SPAST: variants seen among roughly 807,000 people sequenced by gnomAD.
The protein encoded by SPAST is spastin.
A neutral mutation model predicts 76.6 loss-of-function variants in SPAST; 30 were observed. The observed-to-expected ratio is 0.39, with a 90% CI of 0.29 to 0.53. The LOEUF (loss-of-function observed/expected upper bound fraction) is 0.53, where lower values mean the gene tolerates loss of function less well. Ranked by LOEUF, SPAST falls within the 20% of genes least tolerant of loss-of-function variation. SPAST has a pLI of 0.68. For missense variants in SPAST, 717 were observed against 770.5 expected, an observed-to-expected ratio of 0.93 and a Z score of 0.82; for synonymous variants, 305 against 281.0, an observed-to-expected ratio of 1.09 and a Z score of -0.86.
Position 32,063,770 on chromosome 2 carries a change from C to T in SPAST, c.-62C>T. On this transcript the variant is annotated 5_prime_UTR_variant, in exon 1 of 17. Transcript: ENST00000315285. ...CCGCCGTAGCAGTGGCTGCCGCCGT[C>T]GCTTGGTTCCCGTCGGTCTGCGGGA... 1.3e-6 allele frequency: 2 copies of T among 1,530,508 alleles called. No individual in the cohort carries two copies. Among genetic ancestry groups the T allele is most frequent in the Middle Eastern group, 2.3e-4 (1 of 4,354 alleles). The allele number at this position is 1,530,508 out of a possible 1,614,324, so 94.8% of individuals were successfully genotyped here.
chr2:32,074,202 A>G (rs1022303307), intron 1 of SPAST, among the ~76,000 whole-genome samples: 2 of 152,220 alleles, frequency 1.3e-5, no homozygotes, highest in East Asian at 1.9e-4. Flanking sequence ...AATAAATATC[A>G]TAAAACCTAT....
intron 7 of SPAST, among the ~76,000 whole-genome samples, chr2:32,121,903 C>G (rs1007638653): frequency 3.3e-5 from 5 of 152,144 alleles, no homozygotes; most frequent in Non-Finnish European, 4.4e-5. Flanking sequence ...GTCAAGTTTT[C>G]TTTTGTTTAC....
At chr2:32,105,151 C>A (rs1017839717) in intron 4 of SPAST, among the ~76,000 whole-genome samples, 1 of 152,122 alleles carries the variant, frequency 6.6e-6, no homozygotes, top group Non-Finnish European at 1.5e-5. Flanking sequence ...CTGTTCGTTT[C>A]CTTTTACTCT....
chr2:32,137,399 C>T (rs181709902), intron 12 of SPAST, among the ~76,000 whole-genome samples: 9 of 152,210 alleles, frequency 5.9e-5, no homozygotes, highest in East Asian at 3.9e-4. Flanking sequence ...GGTTTAGTTA[C>T]GGTTTTAGGC....
In SPAST at chr2:32,154,603, T is replaced by TA; in HGVS notation, c.*108dup. On this transcript the variant is annotated 3_prime_UTR_variant, in exon 17 of 17. Coordinates refer to ENST00000315285, the MANE Select transcript of SPAST (RefSeq NM_014946.4). The stretch of plus-strand genomic sequence containing the variant: ...AACAGCCTAAGTTTACAGGACTTTT[T>TA]AGAGTCTTACATATTTGTGCACCAA... 1 of 1,143,392 alleles carries TA rather than the reference T, an allele frequency of 8.7e-7. No individual in the cohort carries two copies. The highest frequency in any genetic ancestry group is 1.3e-5 in the South Asian group (1 of 78,310). The allele number at this position is 1,143,392 out of a possible 1,614,324, so 70.8% of individuals were successfully genotyped here.
At chr2:32,083,776 ATTTT>A (rs1178658126) in intron 1 of SPAST, among the ~76,000 whole-genome samples, 1 of 46,072 alleles carries the variant, frequency 2.2e-5, no homozygotes, top group Non-Finnish European at 3.7e-5. Flanking sequence ...ATATATATAT[ATTTT>A]TTTTTTTTTT....
intron 4 of SPAST, among the ~76,000 whole-genome samples, chr2:32,112,097 C>G (rs7581032): frequency 0.41 from 60,400 of 149,058 alleles, 12,565 homozygotes; most frequent in East Asian, 0.64. Context: ...GGATTACAGG[C>G]ACACACCACC....
In SPAST at chr2:32,116,152, T is replaced by C. The variant is rs953284942; in HGVS notation, c.1038T>C (p.Gly346=). ...GTAVKFDDIA[G]QDLAKQALQE... ...CTGTTAAATTTGATGATATAGCTGG[T>C]CAAGACTTGGCAAAACAAGCATTGC... The change falls in exon 7 of 17, where the codon GGT becomes GGC. Residue 346 remains glycine, a synonymous_variant. Transcript: ENST00000315285. 4 of 1,613,626 alleles carry C rather than the reference T, an allele frequency of 2.5e-6. No homozygotes were observed. The Admixed American group carries it at 5.0e-5, about 20-fold the overall frequency.
At chr2:32,072,802 G>A (rs1676804956) in intron 1 of SPAST, among the ~76,000 whole-genome samples, 1 of 152,160 alleles carries the variant, frequency 6.6e-6, no homozygotes, top group Non-Finnish European at 1.5e-5. Flanking sequence ...TTACACTGCT[G>A]AAAACCTATA....
At position 32,089,218 on chromosome 2, in the gene SPAST, T is replaced by TTTTTTTTTTTTTTTTTTTTTTTC. The variant is rs375850129; in HGVS notation, c.503-304_503-303insTTTTTTTTTTTTTTTTTTTTTTC. Among the ~76,000 whole-genome samples the TTTTTTTTTTTTTTTTTTTTTTTC allele has an allele frequency of 1.2e-4, 16 of 129,998 alleles. 1 individual carries two copies. In the South Asian group the frequency reaches 3.5e-3, roughly 29 times the overall value. 85.3% of individuals were successfully genotyped at this position (129,998 alleles called of 152,430 possible). A position where few individuals can be genotyped will look rare whatever the true frequency, so the allele number is the denominator to read the frequency against. On this transcript the variant is annotated intron_variant, in intron 2 of 16. Transcript: ENST00000315285. ...CGGCTAATTTTTTTTTTTTTTTTTT[T>TTTTTTTTTTTTTTTTTTTTTTTC]AAGTAGAGACCAGATCTCTTTATGT...
intron 1 of SPAST, among the ~76,000 whole-genome samples, chr2:32,081,532 C>T (rs956411764): frequency 6.6e-6 from 1 of 151,916 alleles, no homozygotes; most frequent in African/African-American, 2.4e-5. Context: ...TTATTTTCTC[C>T]ACCACTTTCA....
At chr2:32,072,942 A>G (rs1676811178) in intron 1 of SPAST, among the ~76,000 whole-genome samples, 1 of 152,230 alleles carries the variant, frequency 6.6e-6, no homozygotes. Flanking sequence ...ATACTTTTCC[A>G]AAAGATAACA....
intron 7 of SPAST, chr2:32,126,513 C>T (rs1196834689): frequency 1.0e-5 from 1 of 98,352 alleles, no homozygotes; most frequent in Non-Finnish European, 1.8e-5. Context: ...CAGGGTCTCA[C>T]TTTGTCAGCC....
intron 3 of SPAST, among the ~76,000 whole-genome samples, chr2:32,097,100 C>A (rs958001792): frequency 3.3e-5 from 5 of 152,098 alleles, no homozygotes; most frequent in Non-Finnish European, 7.4e-5. Flanking sequence ...TTTATGTATT[C>A]ATTGACTTGC....
intron 1 of SPAST, among the ~76,000 whole-genome samples, chr2:32,070,985 GTACTTTT>G (rs1484244982): frequency 1.3e-5 from 2 of 152,310 alleles, no homozygotes; most frequent in South Asian, 4.1e-4. Flanking sequence ...TCAAAATATT[GTACTTTT>G]TACTTTATAC....
intron 3 of SPAST, among the ~76,000 whole-genome samples, chr2:32,092,826 G>T (rs1677774856): frequency 6.6e-6 from 1 of 152,016 alleles, no homozygotes; most frequent in Admixed American, 6.6e-5. Flanking sequence ...TGGTAACATG[G>T]TGAAACCTAA....
chr2:32,138,356 T>C (rs556596728), intron 12 of SPAST, among the ~76,000 whole-genome samples: 1 of 152,318 alleles, frequency 6.6e-6, no homozygotes, highest in South Asian at 2.1e-4. Context: ...ATGGGATTTT[T>C]TTTGCCATTT....
At chr2:32,092,468 T>A (rs775022331) in intron 3 of SPAST, among the ~76,000 whole-genome samples, 2 of 152,190 alleles carry the variant, frequency 1.3e-5, no homozygotes, top group Non-Finnish European at 2.9e-5. Flanking sequence ...ATGTTTTGTT[T>A]GATGTTATGA....
At chr2:32,117,957 G>A (rs1198136524) in intron 7 of SPAST, among the ~76,000 whole-genome samples, 1 of 152,118 alleles carries the variant, frequency 6.6e-6, no homozygotes, top group Admixed American at 6.6e-5. Context: ...AGGAAGATAG[G>A]CAATCTTGCA....
Sources: gnomAD v4.1 joint callset for allele counts (sites outside exome capture counted in the v4.1 genomes callset) on GRCh38, gnomAD v4.1.1 for gene constraint, MANE v1.5 for transcripts, NCBI Gene and HGNC (gene_info 2026-07-23, HGNC 2026-07-21) for gene names.